UBXN7: variants seen among roughly 807,000 people sequenced by gnomAD.
UBXN7 encodes UBX domain protein 7, also known as UBX domain-containing protein 7.
In UBXN7, 9 loss-of-function variants were observed where a neutral mutation model predicts 58.0. The observed-to-expected ratio is 0.16, with a 90% CI of 0.09 to 0.27. The LOEUF is 0.27. UBXN7 is among the 10% of genes least tolerant of loss of function. UBXN7 has a pLI of 1.00. For synonymous variants in UBXN7, 208 were observed against 205.0 expected (o/e 1.01, Z -0.12); for missense variants, 328 against 599.6 (o/e 0.55, Z 4.73).
chr3:196,372,300 TTCTCTCTCTCTC>T (rs144595952), intron 5 of UBXN7, among the ~76,000 whole-genome samples: 8 of 133,560 alleles, frequency 6.0e-5, no homozygotes, highest in East Asian at 2.2e-4. Flanking sequence ...TAATAGCTGA[TTCTCTCTCTCTC>T]TCTCTCTCTC....
At chr3:196,383,765 C>A (rs1478965760) in intron 5 of UBXN7, among the ~76,000 whole-genome samples, 3 of 152,152 alleles carry the variant, frequency 2.0e-5, no homozygotes, top group African/African-American at 7.2e-5. Context: ...AACAAAGACA[C>A]AACGTAACAG....
intron 3 of UBXN7, chr3:196,400,252 A>T (rs1396575166): frequency 2.0e-5 from 3 of 152,144 alleles, no homozygotes; most frequent in Non-Finnish European, 4.4e-5. Context: ...AGTTGTTTTA[A>T]CTTTACAGAC....
intron 5 of UBXN7, among the ~76,000 whole-genome samples, chr3:196,379,440 C>G (rs1421140738): frequency 1.3e-5 from 2 of 152,136 alleles, no homozygotes; most frequent in African/African-American, 4.8e-5. Flanking sequence ...TTACCGAGCC[C>G]CTATTCAAAA....
At chr3:196,412,446 G>A (rs1730362297) in intron 1 of UBXN7, among the ~76,000 whole-genome samples, 2 of 151,996 alleles carry the variant, frequency 1.3e-5, no homozygotes, top group Admixed American at 6.6e-5. Flanking sequence ...GTGTGGGTGA[G>A]CATGTGGAGA....
At chr3:196,385,234 C>A (rs1729339495) in intron 5 of UBXN7, among the ~76,000 whole-genome samples, 1 of 151,988 alleles carries the variant, frequency 6.6e-6, no homozygotes, top group African/African-American at 2.4e-5. Context: ...CAGCTCCTGA[C>A]CGTGAGTGAT....
At chr3:196,399,809 G>C (rs1729901584) in intron 3 of UBXN7, 1 of 152,090 alleles carries the variant, frequency 6.6e-6, no homozygotes, top group Admixed American at 6.6e-5. Context: ...TAGTGATACA[G>C]CCTGAAGCCA....
chr3:196,405,055 G>A (rs1245408748), intron 2 of UBXN7, among the ~76,000 whole-genome samples: 1 of 152,164 alleles, frequency 6.6e-6, no homozygotes, highest in Non-Finnish European at 1.5e-5. Context: ...TTGAGGCGCC[G>A]AGGTTGCTTG....
Position 196,355,466 on chromosome 3 carries a change from T to G in UBXN7, c.*1219A>C, listed in dbSNP as rs927309987. On this transcript the variant is annotated 3_prime_UTR_variant, in exon 11 of 11. Transcript: ENST00000296328. Reference sequence around the variant, plus strand: ...GCCCAAGACATCTGAAAATTACTAGTAACCTCCGCCATCCTCCTTACTAAA... The same window carrying G: ...GCCCAAGACATCTGAAAATTACTAGGAACCTCCGCCATCCTCCTTACTAAA... The G allele has an allele frequency of 6.6e-6, 1 of 152,192 alleles. No individual in the cohort carries two copies. Among genetic ancestry groups the G allele is most frequent in the South Asian group, 2.1e-4 (1 of 4,834 alleles). 9.4% of individuals were successfully genotyped at this position (152,192 alleles called of 1,614,324 possible). A position where few individuals can be genotyped will look rare whatever the true frequency, so the allele number is the denominator to read the frequency against.
chr3:196,350,831 G>A lies in UBXN7; in HGVS notation c.*5854C>T, dbSNP rs764016142. 1 of 152,182 alleles carries A rather than the reference G, an allele frequency of 6.6e-6. No homozygotes were observed. The highest frequency in any genetic ancestry group is 1.5e-5 in the Non-Finnish European group (1 of 68,020). The allele number at this position is 152,182 out of a possible 1,614,324, so 9.4% of individuals were successfully genotyped here. A position where few individuals can be genotyped will look rare whatever the true frequency, so the allele number is the denominator to read the frequency against. ...AACATTCTTGCCACTATTCTAAAAT[G>A]TGTACAGTGCAACACCATGTTTCAC... is the stretch of plus-strand genomic sequence containing the variant. On this transcript the variant is annotated 3_prime_UTR_variant, in exon 11 of 11. Coordinates refer to ENST00000296328, the MANE Select transcript of UBXN7 (RefSeq NM_015562.2).
chr3:196,358,062 AAC>A (rs1728399835), intron 10 of UBXN7, among the ~76,000 whole-genome samples: 1 of 152,090 alleles, frequency 6.6e-6, no homozygotes, highest in Admixed American at 6.5e-5. Flanking sequence ...AAACAAAAAC[AAC>A]ACAAACCAAA....
chr3:196,381,032 C>A (rs962523114), intron 5 of UBXN7, among the ~76,000 whole-genome samples: 1 of 152,262 alleles, frequency 6.6e-6, no homozygotes, highest in Non-Finnish European at 1.5e-5. Flanking sequence ...TGCCCCTAAA[C>A]TCCACCTCTG....
intron 10 of UBXN7, among the ~76,000 whole-genome samples, chr3:196,358,751 C>T (rs916658542): frequency 6.6e-6 from 1 of 151,990 alleles, no homozygotes; most frequent in Non-Finnish European, 1.5e-5. Context: ...AACAACCAAC[C>T]AACCAACAAC....
rs139066344 is a variant in UBXN7 at position 196,391,712 on chromosome 3, C to T, written c.468+101G>A. Reference sequence around the variant, plus strand: ...TTGTGTCACTGCAGTCCAGCCTGGACGACAGAGCGAGACCTGCTCTAAAAC... The same window carrying T: ...TTGTGTCACTGCAGTCCAGCCTGGATGACAGAGCGAGACCTGCTCTAAAAC... On this transcript the variant is annotated intron_variant, in intron 5 of 10. Coordinates refer to ENST00000296328, the MANE Select transcript of UBXN7 (RefSeq NM_015562.2). The T allele has an allele frequency of 2.7e-3, 2,205 of 824,048 alleles. 9 individuals are homozygous for T. The highest frequency in any genetic ancestry group is 3.0e-3 in the Non-Finnish European group (1,613 of 529,032). The allele number at this position is 824,048 out of a possible 1,614,324, so 51.0% of individuals were successfully genotyped here. A position where few individuals can be genotyped will look rare whatever the true frequency, so the allele number is the denominator to read the frequency against.
chr3:196,405,341 G>A (rs1483368244), intron 2 of UBXN7, among the ~76,000 whole-genome samples: 1 of 151,304 alleles, frequency 6.6e-6, no homozygotes, highest in Non-Finnish European at 1.5e-5. Context: ...GTGGTGGAGT[G>A]TACCAGCAGT....
intron 3 of UBXN7, chr3:196,400,632 T>A (rs1206509718): frequency 1.6e-5 from 4 of 245,802 alleles, no homozygotes; most frequent in Non-Finnish European, 3.3e-5. Context: ...CATGCACCTA[T>A]AGAAGGCTGA....
chr3:196,412,943 G>A (rs1439331517), intron 1 of UBXN7, among the ~76,000 whole-genome samples: 1 of 152,132 alleles, frequency 6.6e-6, no homozygotes, highest in Non-Finnish European at 1.5e-5. Context: ...CTTGTTTAAT[G>A]GGTATAGAGT....
chr3:196,412,395 AC>A (rs1459910322), intron 1 of UBXN7, among the ~76,000 whole-genome samples: 2 of 152,066 alleles, frequency 1.3e-5, no homozygotes, highest in African/African-American at 4.8e-5. Context: ...ACCAGCTTAT[AC>A]CCATTAAAAA....
chr3:196,362,775 A>G (rs2108827806), intron 8 of UBXN7, 88 bp from the exon 9 acceptor site: 1 of 1,464,548 alleles, frequency 6.8e-7, no homozygotes, highest in Middle Eastern at 2.5e-4. Context: ...ATAGCTTGCC[A>G]TTCATTATTA....
At chr3:196,376,309 G>A (rs1243971338) in intron 5 of UBXN7, among the ~76,000 whole-genome samples, 2 of 151,948 alleles carry the variant, frequency 1.3e-5, no homozygotes, top group Non-Finnish European at 1.5e-5. Flanking sequence ...TTGGGAGGCC[G>A]AGGTGGGTGG....
Sources: allele counts gnomAD v4.1 joint callset (sites outside exome capture counted in the v4.1 genomes callset), GRCh38; gene constraint gnomAD v4.1.1; transcripts MANE v1.5; gene names NCBI Gene and HGNC (gene_info 2026-07-23, HGNC 2026-07-21).